FNDC3B: variants seen among roughly 807,000 people sequenced by gnomAD.
FNDC3B encodes the protein fibronectin type III domain-containing protein 3B.
Under a neutral mutation model 151.5 loss-of-function variants are expected in FNDC3B, and 12 were observed. That is an observed-to-expected ratio of 0.08 (90% CI 0.05 to 0.13). FNDC3B has a LOEUF of 0.13. Ranked by LOEUF, FNDC3B falls within the 10% of genes least tolerant of loss-of-function variation. The probability of loss-of-function intolerance (pLI) is 1.00; values close to 1 mark genes in which losing one functional copy is unlikely to be tolerated. For synonymous variants in FNDC3B, 528 were observed against 549.0 expected (o/e 0.96, Z 0.54); for missense variants, 1,214 against 1,505.3 (o/e 0.81, Z 3.20).
At chr3:172,259,861 T>G (rs557164531) in intron 6 of FNDC3B, among the ~76,000 whole-genome samples, 1 of 152,346 alleles carries the variant, frequency 6.6e-6, no homozygotes, top group East Asian at 1.9e-4. Context: ...CATGTCAAGT[T>G]AAGAAGTCTT....
intron 6 of FNDC3B, among the ~76,000 whole-genome samples, chr3:172,264,400 T>A (rs1023274680): frequency 7.9e-5 from 12 of 152,184 alleles, no homozygotes; most frequent in Non-Finnish European, 1.6e-4. Context: ...TTAGCCTTTA[T>A]AGTTAAGATT....
At chr3:172,196,298 C>T (rs943256529) in intron 3 of FNDC3B, among the ~76,000 whole-genome samples, 1 of 151,998 alleles carries the variant, frequency 6.6e-6, no homozygotes, top group Non-Finnish European at 1.5e-5. Flanking sequence ...AGGGGTCCTT[C>T]CCACCTCAGC....
chr3:172,388,641 G>A (rs1038413205), intron 25 of FNDC3B, among the ~76,000 whole-genome samples: 2 of 152,170 alleles, frequency 1.3e-5, no homozygotes, highest in African/African-American at 2.4e-5. Context: ...CAGGCCTGGC[G>A]ACATGGTGAT....
At chr3:172,135,628 C>T (rs1576897259) in intron 3 of FNDC3B, among the ~76,000 whole-genome samples, 1 of 151,996 alleles carries the variant, frequency 6.6e-6, no homozygotes, top group East Asian at 1.9e-4. Context: ...ACTGAAATGA[C>T]ACAGGATGGA....
chr3:172,310,758 G>A, intron 10 of FNDC3B, 70 bp from the exon 11 acceptor site: 1 of 1,101,904 alleles, frequency 9.1e-7, no homozygotes, highest in Non-Finnish European at 1.4e-6. Flanking sequence ...CTGTATGTGA[G>A]CCAGGTGGGT....
At chr3:172,349,252 C>T (rs1013952699) in intron 21 of FNDC3B, among the ~76,000 whole-genome samples, 9 of 152,070 alleles carry the variant, frequency 5.9e-5, no homozygotes, top group African/African-American at 2.2e-4. Flanking sequence ...TGTAGGCCAG[C>T]GTGGGCGACA....
At chr3:172,239,244 AG>A (rs1576828080) in intron 4 of FNDC3B, among the ~76,000 whole-genome samples, 1 of 152,216 alleles carries the variant, frequency 6.6e-6, no homozygotes, top group East Asian at 1.9e-4. Flanking sequence ...CCTGCTTGGG[AG>A]AATCCTGGAT....
At chr3:172,172,586 A>G (rs1345978132) in intron 3 of FNDC3B, among the ~76,000 whole-genome samples, 1 of 152,168 alleles carries the variant, frequency 6.6e-6, no homozygotes, top group Non-Finnish European at 1.5e-5. Flanking sequence ...TATTGAAGAG[A>G]TATCTTTCTA....
At position 172,039,980 on chromosome 3, in the gene FNDC3B, G is replaced by C. The variant is rs953433944; in HGVS notation, c.-29+209G>C. Among the ~76,000 whole-genome samples, 9 of 152,298 alleles carry C rather than the reference G, an allele frequency of 5.9e-5. No individual in the cohort carries two copies. In the East Asian group the frequency reaches 7.8e-4, roughly 13 times the overall value. ...TGGGCACCCCGGGAACACGGGACCC[G>C]GGAGGGGGCGGCCCCCGCCTTGCTG... On this transcript the variant is annotated intron_variant, in intron 1 of 25. Coordinates refer to ENST00000415807, the MANE Select transcript of FNDC3B (RefSeq NM_022763.4).
chr3:172,194,910 G>T (rs1311826207), intron 3 of FNDC3B, among the ~76,000 whole-genome samples: 2 of 152,260 alleles, frequency 1.3e-5, no homozygotes, highest in East Asian at 3.9e-4. Context: ...GGTTGCCTTG[G>T]CGAAGTAACG....
intron 7 of FNDC3B, 24 bp from the exon 8 acceptor site, chr3:172,295,339 T>C (rs1021166963): frequency 1.9e-6 from 3 of 1,597,292 alleles, no homozygotes; most frequent in Admixed American, 3.6e-5. Flanking sequence ...TTGAATACTT[T>C]TGTCCCATGT....
At chr3:172,396,150 G>A (rs763750107) in intron 25 of FNDC3B, among the ~76,000 whole-genome samples, 37 of 152,252 alleles carry the variant, frequency 2.4e-4, no homozygotes, top group Middle Eastern at 3.4e-3. Context: ...TAACCCGAAT[G>A]TCCATCGAAA....
intron 6 of FNDC3B, among the ~76,000 whole-genome samples, chr3:172,264,706 A>G (rs1394618378): frequency 6.6e-6 from 1 of 152,254 alleles, no homozygotes; most frequent in African/African-American, 2.4e-5. Flanking sequence ...ATAGAAAATG[A>G]TAACGATACA....
intron 6 of FNDC3B, among the ~76,000 whole-genome samples, chr3:172,270,652 A>G (rs1233278416): frequency 6.6e-6 from 1 of 152,012 alleles, no homozygotes; most frequent in Non-Finnish European, 1.5e-5. Context: ...AGCTGACTCT[A>G]TTGTGTTTGT....
At chr3:172,319,650 G>A (rs542098294) in intron 11 of FNDC3B, among the ~76,000 whole-genome samples, 2 of 152,284 alleles carry the variant, frequency 1.3e-5, no homozygotes, top group African/African-American at 4.8e-5. Flanking sequence ...GGTTTGGCAC[G>A]AGGAACTTCT....
intron 9 of FNDC3B, chr3:172,307,022 A>C (rs1731232959): frequency 5.4e-6 from 1 of 186,368 alleles, no homozygotes; most frequent in African/African-American, 2.4e-5. Flanking sequence ...GATAAAGTCA[A>C]CCAGAGAGTA....
chr3:172,197,521 A>G lies in FNDC3B; in HGVS notation c.188-29350A>G, dbSNP rs145238677. Among the ~76,000 whole-genome samples, 689 of 152,298 alleles carry G rather than the reference A, an allele frequency of 4.5e-3. 7 individuals carry two copies. The highest frequency in any genetic ancestry group is 0.016 in the African/African-American group (662 of 41,556). The stretch of plus-strand genomic sequence containing the variant: ...TTCTACTGTTGAATCCTCAGACCCC[A>G]TTGAGGTTTCGGCGGTGAGCCCCAC... On this transcript the variant is annotated intron_variant, in intron 3 of 25. Transcript: ENST00000415807.
At chr3:172,094,185 C>T (rs4553998) in intron 1 of FNDC3B, among the ~76,000 whole-genome samples, 43,097 of 104,090 alleles carry the variant, frequency 0.41, 9,183 homozygotes, top group Admixed American at 0.52. Context: ...TCTAGAACAT[C>T]GGCATTGTGT....
chr3:172,326,893 AG>A (rs1474656091), intron 11 of FNDC3B, among the ~76,000 whole-genome samples: 1 of 152,170 alleles, frequency 6.6e-6, no homozygotes, highest in Non-Finnish European at 1.5e-5. Context: ...GAGGCATTAA[AG>A]GGGAGCCAAC....
Sources: allele counts gnomAD v4.1 joint callset (sites outside exome capture counted in the v4.1 genomes callset), GRCh38; gene constraint gnomAD v4.1.1; transcripts MANE v1.5; gene names NCBI Gene and HGNC (gene_info 2026-07-23, HGNC 2026-07-21).